Variants in PDS5B observed in about 807,000 individuals in gnomAD.
PDS5B encodes sister chromatid cohesion protein PDS5 homolog B.
PDS5B carries 51 observed loss-of-function variants against 184.1 expected under a neutral mutation model. That is an observed-to-expected ratio of 0.28 (90% CI 0.22 to 0.35). The LOEUF is 0.35. Ranked by LOEUF, PDS5B falls within the 10% of genes least tolerant of loss-of-function variation. PDS5B has a pLI of 1.00. For synonymous variants in PDS5B, 566 were observed against 569.2 expected (o/e 0.99, Z 0.08); for missense variants, 1,180 against 1,723.3 (o/e 0.68, Z 5.58).
At chr13:32,763,922 A>G (rs1302207818) in intron 30 of PDS5B, among the ~76,000 whole-genome samples, 1 of 152,150 alleles carries the variant, frequency 6.6e-6, no homozygotes, top group Non-Finnish European at 1.5e-5. Context: ...AGTTTTAAAA[A>G]CTAGATAAAG....
At position 32,755,920 on chromosome 13, in the gene PDS5B, A is replaced by G. The variant is rs1379599405; in HGVS notation, c.3020A>G (p.Lys1007Arg). The G allele has an allele frequency of 8.9e-6, 14 of 1,581,294 alleles. 1 individual carries two copies. The highest frequency in any genetic ancestry group is 2.3e-5 in the South Asian group (2 of 88,508). ...HLLAHDPDYV[K>R]VQDIEQLKDV... ...TTGGCACATGACCCAGATTATGTCA[A>G]AGTACAGGATATTGAACAACTTAAA... is the stretch of plus-strand genomic sequence containing the variant. Residue 1007 changes from lysine to arginine, a missense_variant, in exon 26 of 35, where the codon AAA becomes AGA. Lys to Arg is a conservative substitution (Grantham distance 26, BLOSUM62 2). Around this residue, in one of 11 missense-constraint regions of PDS5B, gnomAD observed 57 missense variants for 80.9 expected, o/e 0.70. Transcript: ENST00000315596.
chr13:32,648,669 G>T (rs988215895), intron 1 of PDS5B, 85 bp from the exon 2 acceptor site: 9 of 614,776 alleles, frequency 1.5e-5, no homozygotes, highest in Non-Finnish European at 2.9e-6. Flanking sequence ...ACAAATTTTG[G>T]TTGGTGGGGA....
At chr13:32,720,811 C>T (rs1387281753) in intron 19 of PDS5B, among the ~76,000 whole-genome samples, 4 of 151,804 alleles carry the variant, frequency 2.6e-5, no homozygotes, top group East Asian at 3.9e-4. Flanking sequence ...TGTTTGTGTC[C>T]CTGGGTACTT....
At chr13:32,684,328 A>G (rs1951327409) in intron 11 of PDS5B, among the ~76,000 whole-genome samples, 1 of 152,212 alleles carries the variant, frequency 6.6e-6, no homozygotes, top group African/African-American at 2.4e-5. Flanking sequence ...CCTGAGATAC[A>G]ACTTCTCTTA....
At position 32,678,920 on chromosome 13, in the gene PDS5B, G is replaced by T. The variant is rs377123942; in HGVS notation, c.1048G>T (p.Asp350Tyr). 6.5e-7 allele frequency: 1 copy of T among 1,543,950 alleles called. No homozygotes were observed. The highest frequency in any genetic ancestry group is 1.4e-5 in the African/African-American group (1 of 73,558). Residue 350 changes from aspartate (D) to tyrosine (Y), a missense_variant, in exon 10 of 35, where the codon GAC (aspartate) becomes TAC (tyrosine). By Grantham distance (160) the Asp-to-Tyr change is radical. Around this residue, in one of 11 missense-constraint regions of PDS5B, gnomAD observed 475 missense variants for 691.5 expected, o/e 0.69. Transcript: ENST00000315596. Reference sequence around the variant, plus strand: ...CATGAACCATCCTGATTTAGCAAAAGACTTAACAGGTACTATATATATGTA... The same window carrying T: ...CATGAACCATCCTGATTTAGCAAAATACTTAACAGGTACTATATATATGTA... Reference protein sequence around the residue: ...CLMNHPDLAKDLTEYLKVRSH... With the variant: ...CLMNHPDLAKYLTEYLKVRSH...
At chr13:32,762,755 C>A (rs753050236) in intron 30 of PDS5B, among the ~76,000 whole-genome samples, 13 of 152,066 alleles carry the variant, frequency 8.5e-5, no homozygotes, top group Non-Finnish European at 1.5e-4. Context: ...TTACTGTCAT[C>A]ATTTAGTTCA....
chr13:32,744,765 C>G (rs1372931831), intron 23 of PDS5B, among the ~76,000 whole-genome samples: 2 of 152,098 alleles, frequency 1.3e-5, no homozygotes, highest in African/African-American at 4.8e-5. Context: ...AGACGAAGTC[C>G]TACAACTTTA....
intron 26 of PDS5B, 93 bp from the exon 27 acceptor site, chr13:32,757,994 G>T: frequency 1.0e-5 from 5 of 499,880 alleles, no homozygotes; most frequent in African/African-American, 2.1e-5. Context: ...ATATTATCTA[G>T]GTTTGTTATA....
intron 19 of PDS5B, among the ~76,000 whole-genome samples, chr13:32,720,422 A>G (rs1952630553): frequency 6.6e-6 from 1 of 152,166 alleles, no homozygotes; most frequent in African/African-American, 2.4e-5. Flanking sequence ...AGAGATAATT[A>G]GAAAAGATGT....
chr13:32,598,856 C>T (rs370998383), intron 1 of PDS5B, among the ~76,000 whole-genome samples: 24 of 149,578 alleles, frequency 1.6e-4, no homozygotes, highest in African/African-American at 5.4e-4. Context: ...CTGCAGGCTC[C>T]GCCTCCTGGG....
chr13:32,637,472 G>C (rs115766561), intron 1 of PDS5B, among the ~76,000 whole-genome samples: 1 of 152,076 alleles, frequency 6.6e-6, no homozygotes, highest in Non-Finnish European at 1.5e-5. Context: ...TCTTGAGTTC[G>C]CGGTATCTTT....
At chr13:32,645,802 T>G (rs977526180) in intron 1 of PDS5B, among the ~76,000 whole-genome samples, 1 of 152,220 alleles carries the variant, frequency 6.6e-6, no homozygotes, top group Non-Finnish European at 1.5e-5. Flanking sequence ...AAAATACTTG[T>G]GTAACTAGCA....
chr13:32,673,704 A>G (rs1950995079), intron 8 of PDS5B, among the ~76,000 whole-genome samples: 1 of 152,216 alleles, frequency 6.6e-6, no homozygotes, highest in Non-Finnish European at 1.5e-5. Flanking sequence ...TGAGGCCATA[A>G]AAATAGTTTA....
chr13:32,754,152 T>A (rs74913963), intron 25 of PDS5B, among the ~76,000 whole-genome samples: 2,561 of 152,320 alleles, frequency 0.017, 21 homozygotes, highest in Non-Finnish European at 0.026. Flanking sequence ...TATTTTCACT[T>A]GGATTGTTGT....
At chr13:32,638,478 G>T (rs1427124352) in intron 1 of PDS5B, among the ~76,000 whole-genome samples, 1 of 152,182 alleles carries the variant, frequency 6.6e-6, no homozygotes, top group Non-Finnish European at 1.5e-5. Flanking sequence ...AATGGGAATT[G>T]AAAGTAGATA....
At chr13:32,745,915 T>G in intron 23 of PDS5B, 62 bp from the exon 24 acceptor site, 1 of 1,331,244 alleles carries the variant, frequency 7.5e-7, no homozygotes, top group Non-Finnish European at 1.1e-6. Flanking sequence ...AAATTAGATG[T>G]ACAGAAGATT....
rs937598968 is a variant in PDS5B at position 32,776,050 on chromosome 13, C to G, written c.*998C>G. ...TTCTCCGTAACAGTGTAAAGTTAAT[C>G]AGAAAGAAAAAATTTTATTGATGCA... On this transcript the variant is annotated 3_prime_UTR_variant, in exon 35 of 35. Coordinates refer to ENST00000315596, the MANE Select transcript of PDS5B (RefSeq NM_015032.4). 6.5e-6 allele frequency: 1 copy of G among 153,214 alleles called. No individual in the cohort carries two copies. Among genetic ancestry groups the G allele is most frequent in the Non-Finnish European group, 1.5e-5 (1 of 68,616 alleles). The allele number at this position is 153,214 out of a possible 1,614,324, so 9.5% of individuals were successfully genotyped here.
In PDS5B at chr13:32,627,627, AAATT is replaced by A. The variant is rs2058390029; in HGVS notation, c.-19-21122_-19-21119del. ...TGGGAAAATGAAGGAAAAAAGAGAA[AAATT>A]AATTTGCAAATTAGTAATTGCATTA... On this transcript the variant is annotated intron_variant, in intron 1 of 34. Transcript: ENST00000315596. Among the ~76,000 whole-genome samples, 5 of 152,352 alleles carry A rather than the reference AAATT, an allele frequency of 3.3e-5. 1 individual carries two copies. In the South Asian group the frequency reaches 1.0e-3, roughly 32 times the overall value.
intron 1 of PDS5B, among the ~76,000 whole-genome samples, chr13:32,588,397 A>C (rs1353037405): frequency 6.6e-6 from 1 of 152,244 alleles, no homozygotes; most frequent in East Asian, 1.9e-4. Context: ...ATTTACAAAT[A>C]TGTCTAACAA....
Sources: gnomAD v4.1 joint callset for allele counts (sites outside exome capture counted in the v4.1 genomes callset) on GRCh38, gnomAD v4.1.1 for gene constraint, gnomAD v4.1.1 regional missense constraint, MANE v1.5 for transcripts, NCBI Gene and HGNC (gene_info 2026-07-23, HGNC 2026-07-21) for gene names.